CELF2: variants seen among roughly 807,000 people sequenced by gnomAD.
CELF2 encodes the protein CUG triplet repeat RNA-binding protein 2.
In CELF2, 8 loss-of-function variants were observed where a neutral mutation model predicts 62.6. The observed-to-expected ratio is 0.13, with a 90% confidence interval of 0.07 to 0.23. The LOEUF (loss-of-function observed/expected upper bound fraction) is 0.23, where lower values mean the gene tolerates loss of function less well. CELF2 is among the 10% of genes least tolerant of loss of function. The pLI is 1.00. For missense variants in CELF2, 333 were observed against 671.0 expected, an observed-to-expected ratio of 0.50 and a Z score of 5.56; for synonymous variants, 258 against 250.0, an observed-to-expected ratio of 1.03 and a Z score of -0.30.
At chr10:10,525,535 C>G in the CELF2 span, among the ~76,000 whole-genome samples, 2 of 152,164 alleles carry the variant, frequency 1.3e-5, no homozygotes, top group Non-Finnish European at 2.9e-5. Context: ...ACCATTCCAC[C>G]CTCTGCTTCT....
chr10:10,592,229 G>A, the CELF2 span, among the ~76,000 whole-genome samples: 2 of 152,192 alleles, frequency 1.3e-5, no homozygotes, highest in Non-Finnish European at 2.9e-5. Flanking sequence ...GGATGGAAAC[G>A]AAGCCCTGGC....
At chr10:11,099,884 CA>C (rs869282674) in intron 1 of CELF2, among the ~76,000 whole-genome samples, 212 of 93,462 alleles carry the variant, frequency 2.3e-3, no homozygotes, top group Middle Eastern at 4.5e-3. Flanking sequence ...ACAACAACAA[CA>C]AAAAAAAAAA....
chr10:11,044,070 ACTT>A (rs1480225275), intron 1 of CELF2, among the ~76,000 whole-genome samples: 1 of 152,086 alleles, frequency 6.6e-6, no homozygotes, highest in South Asian at 2.1e-4. Context: ...TTGCGTCTTC[ACTT>A]CTTCTAAGAA....
the CELF2 span, among the ~76,000 whole-genome samples, chr10:10,635,381 C>T: frequency 1.6e-3 from 251 of 152,226 alleles, 1 homozygote; most frequent in Non-Finnish European, 1.8e-3. Flanking sequence ...TTCCTTTTTC[C>T]GTGGAAAGAT....
At chr10:11,105,248 G>A (rs1163359652) in intron 1 of CELF2, among the ~76,000 whole-genome samples, 1 of 152,184 alleles carries the variant, frequency 6.6e-6, no homozygotes, top group Non-Finnish European at 1.5e-5. Context: ...GCCTGGCTGG[G>A]TTTGAATCTA....
chr10:10,788,672 A>G, the CELF2 span, among the ~76,000 whole-genome samples: 1 of 152,012 alleles, frequency 6.6e-6, no homozygotes, highest in Non-Finnish European at 1.5e-5. Context: ...CACATTGGCC[A>G]GGCTGATCTC....
intron 1 of CELF2, among the ~76,000 whole-genome samples, chr10:10,830,199 T>G (rs2057730560): frequency 6.7e-6 from 1 of 149,766 alleles, no homozygotes; most frequent in South Asian, 2.1e-4. Context: ...CTTAGATATC[T>G]ATAAGCAATT....
chr10:10,969,171 C>T (rs1164460063), intron 2 of CELF2, among the ~76,000 whole-genome samples: 4 of 152,176 alleles, frequency 2.6e-5, no homozygotes, highest in African/African-American at 9.7e-5. Flanking sequence ...GCAAGAGAAT[C>T]ACTTGAACCT....
In CELF2 at chr10:11,267,651, T is replaced by TC. The variant is rs1484494608; in HGVS notation, c.618+980dup. Among the ~76,000 whole-genome samples, 2 of 152,242 alleles carry TC rather than the reference T, an allele frequency of 1.3e-5. No homozygotes were observed. The highest frequency in any genetic ancestry group is 2.9e-5 in the Non-Finnish European group (2 of 68,048). ...TTTTTTCTTGATTGAGCTTCTGTTT[T>TC]CCCCCCATTTTGTTGGGGTTTTATT... On this transcript the variant is annotated intron_variant, in intron 6 of 12. Coordinates refer to ENST00000633077, the MANE Select transcript of CELF2 (RefSeq NM_001326342.2). The surrounding 1 kb of genome is among the most constrained non-coding windows in gnomAD (Gnocchi z 4.4).
chr10:10,653,388 C>T, the CELF2 span, among the ~76,000 whole-genome samples: 2 of 148,426 alleles, frequency 1.3e-5, no homozygotes, highest in African/African-American at 5.0e-5. Context: ...TTACAGAACT[C>T]TCCACCCCAA....
chr10:10,882,672 C>T (rs1022022161), intron 1 of CELF2, among the ~76,000 whole-genome samples: 4 of 152,160 alleles, frequency 2.6e-5, no homozygotes, highest in African/African-American at 9.7e-5. Context: ...AAATATCATA[C>T]TTAATGACAG....
intron 1 of CELF2, among the ~76,000 whole-genome samples, chr10:11,033,246 A>G (rs2060414951): frequency 7.1e-6 from 1 of 141,312 alleles, no homozygotes; most frequent in Non-Finnish European, 1.5e-5. Context: ...TACTGTCTCA[A>G]TGTTCAGGGC....
the CELF2 span, among the ~76,000 whole-genome samples, chr10:10,718,027 A>C: frequency 7.9e-5 from 12 of 152,190 alleles, no homozygotes; most frequent in African/African-American, 2.4e-4. Flanking sequence ...ATTCATGTAG[A>C]TTATATAACT....
intron 2 of CELF2, among the ~76,000 whole-genome samples, chr10:10,958,968 G>A (rs752721589): frequency 5.3e-5 from 8 of 151,996 alleles, no homozygotes; most frequent in Non-Finnish European, 1.0e-4. Flanking sequence ...AAGAAGTCTT[G>A]GATCCAGGCT....
the CELF2 span, among the ~76,000 whole-genome samples, chr10:10,693,648 T>G: frequency 6.6e-6 from 1 of 151,478 alleles, no homozygotes; most frequent in Non-Finnish European, 1.5e-5. Flanking sequence ...TCCTGGACTC[T>G]TTTTGGTTGG....
In CELF2 at chr10:11,067,721, G is replaced by A. The variant is rs139648080; in HGVS notation, c.74+49558G>A. ...GAAATAGAACATGCTTCCCTTGTGT[G>A]TTTCCAGTGGTTGAAGTTGAAAGAA... On this transcript the variant is annotated intron_variant, in intron 1 of 12. Transcript: ENST00000633077. Among the ~76,000 whole-genome samples the A allele has an allele frequency of 2.1e-3, 317 of 152,304 alleles. 4 individuals are homozygous for A. The highest frequency in any genetic ancestry group is 7.3e-3 in the African/African-American group (302 of 41,554).
rs1032985329 is a variant in CELF2 at position 11,011,026 on chromosome 10, C to A, written c.53+5586C>A. ...TTGAAAGTACCAATGTAGATTCTAACAACTCTCTCTTCTGTACCCTCATTT... is the reference window on the plus strand; with the variant it reads ...TTGAAAGTACCAATGTAGATTCTAAAAACTCTCTCTTCTGTACCCTCATTT... On this transcript the variant is annotated intron_variant, in intron 1 of 12. Coordinates refer to the CELF2 transcript ENST00000416382. This position sits in a 1 kb window ranked among gnomAD's most constrained non-coding sequence, Gnocchi z 4.6. The A allele has an allele frequency of 6.6e-6, 1 of 152,190 alleles. No individual in the cohort carries two copies. The highest frequency in any genetic ancestry group is 2.4e-5 in the African/African-American group (1 of 41,448). The allele number at this position is 152,190 out of a possible 1,614,324, so 9.4% of individuals were successfully genotyped here. A position where few individuals can be genotyped will look rare whatever the true frequency, so the allele number is the denominator to read the frequency against.
intron 1 of CELF2, among the ~76,000 whole-genome samples, chr10:10,855,699 C>A (rs1431547711): frequency 6.6e-6 from 1 of 152,126 alleles, no homozygotes; most frequent in Non-Finnish European, 1.5e-5. Context: ...GTAGCAGTTG[C>A]CAAAATGTGT....
At chr10:11,282,347 G>A (rs1041279869) in intron 8 of CELF2, among the ~76,000 whole-genome samples, 44 of 152,178 alleles carry the variant, frequency 2.9e-4, no homozygotes, top group Non-Finnish European at 5.9e-4. Context: ...GGGAAGGGGC[G>A]GGGCTCTCTC....
Sources: allele counts gnomAD v4.1 joint callset (sites outside exome capture counted in the v4.1 genomes callset), GRCh38; gene constraint gnomAD v4.1.1; non-coding constraint Gnocchi (gnomAD v3.1); transcripts MANE v1.5; gene names NCBI Gene and HGNC (gene_info 2026-07-23, HGNC 2026-07-21).